The following CLVS1 variants were observed in gnomAD, a reference collection of about 807,000 sequenced individuals.
CLVS1 encodes clavesin-1.
Under a neutral mutation model 33.1 loss-of-function variants are expected in CLVS1, and 10 were observed. The observed-to-expected ratio is 0.30, with a 90% CI of 0.19 to 0.51. The LOEUF (loss-of-function observed/expected upper bound fraction) is 0.51. Among genes scored for constraint, CLVS1 ranks in the 20% least tolerant of loss-of-function variants. The pLI is 0.97. For synonymous variants in CLVS1, 163 were observed against 166.1 expected (o/e 0.98, Z 0.14); for missense variants, 343 against 433.4 (o/e 0.79, Z 1.85).
chr8:61,288,604 C>A, intron 1 of CLVS1, among the ~76,000 whole-genome samples: 1 of 152,212 alleles, frequency 6.6e-6, no homozygotes, highest in East Asian at 1.9e-4. Context: ...GGCACGGGGA[C>A]AGATGGGGCA....
chr8:61,462,513 C>T (rs558108596), intron 5 of CLVS1, among the ~76,000 whole-genome samples: 161 of 152,142 alleles, frequency 1.1e-3, no homozygotes, highest in Middle Eastern at 6.8e-3. Flanking sequence ...GCCTCCTGAG[C>T]TGAAATGTAT....
chr8:61,240,613 T>A (rs1432837187), intron 2 of CLVS1, among the ~76,000 whole-genome samples: 3 of 152,276 alleles, frequency 2.0e-5, no homozygotes, highest in African/African-American at 4.8e-5. Context: ...GTGCCTACAT[T>A]CACCTTAATT....
the CLVS1 span, among the ~76,000 whole-genome samples, chr8:61,024,843 CTTTTTTTTCTTTCTTT>C: frequency 1.7e-4 from 25 of 151,328 alleles, no homozygotes; most frequent in Non-Finnish European, 3.1e-4. Context: ...TTTTTCTTTT[CTTTTTTTTCTTTCTTT>C]TTTTTTTTTA....
intron 5 of CLVS1, among the ~76,000 whole-genome samples, chr8:61,474,247 A>G (rs2129607857): frequency 6.6e-6 from 1 of 152,272 alleles, no homozygotes; most frequent in African/African-American, 2.4e-5. Context: ...TGGAGTCATC[A>G]ACTCTATTTA....
At chr8:61,314,014 A>T (rs904356229) in intron 2 of CLVS1, among the ~76,000 whole-genome samples, 1 of 152,176 alleles carries the variant, frequency 6.6e-6, no homozygotes, top group African/African-American at 2.4e-5. Context: ...GTGCAAGCAG[A>T]TGACTCATCG....
chr8:61,345,577 A>G (rs1585833279), intron 2 of CLVS1, among the ~76,000 whole-genome samples: 1 of 151,714 alleles, frequency 6.6e-6, no homozygotes, highest in Middle Eastern at 3.4e-3. Context: ...TCCCTCGAAT[A>G]TGGTGCCTGC....
chr8:61,414,481 G>A (rs1386544075), intron 3 of CLVS1, among the ~76,000 whole-genome samples: 2 of 151,794 alleles, frequency 1.3e-5, no homozygotes, highest in South Asian at 2.1e-4. Context: ...GCACAAAGTG[G>A]GGACAGAATG....
intron 3 of CLVS1, among the ~76,000 whole-genome samples, chr8:61,394,914 G>A (rs1367287603): frequency 6.6e-6 from 1 of 152,078 alleles, no homozygotes; most frequent in Non-Finnish European, 1.5e-5. Context: ...GTTTTAATTT[G>A]CATTTTCCTA....
the CLVS1 span, among the ~76,000 whole-genome samples, chr8:61,047,342 A>G: frequency 2.6e-5 from 4 of 152,182 alleles, no homozygotes; most frequent in Admixed American, 2.0e-4. Context: ...AATAGGAACA[A>G]TTTTACACTG....
At chr8:60,996,041 T>C in the CLVS1 span, among the ~76,000 whole-genome samples, 22 of 152,256 alleles carry the variant, frequency 1.4e-4, no homozygotes, top group African/African-American at 9.6e-5. Flanking sequence ...AGGGATAGCA[T>C]TGGGAGATAT....
chr8:61,059,476 A>ATACATATC (rs1491456375), intron 1 of CLVS1, among the ~76,000 whole-genome samples: 374 of 23,818 alleles, frequency 0.016, 6 homozygotes, highest in African/African-American at 0.081. Flanking sequence ...ACATACATAC[A>ATACATATC]TATATATATA....
intron 2 of CLVS1, among the ~76,000 whole-genome samples, chr8:61,239,253 T>C (rs1808639050): frequency 6.6e-6 from 1 of 152,226 alleles, no homozygotes; most frequent in Admixed American, 6.5e-5. Flanking sequence ...GGGTTGTACA[T>C]TGTAGAATCT....
Position 61,086,014 on chromosome 8 carries a change from C to T in CLVS1, c.-243+28784C>T, listed in dbSNP as rs543853444. Among the ~76,000 whole-genome samples, 87 of 115,562 alleles carry T rather than the reference C, an allele frequency of 7.5e-4. 1 individual carries two copies. The highest frequency in any genetic ancestry group is 1.2e-3 in the Non-Finnish European group (70 of 60,168). The allele number at this position is 115,562 out of a possible 152,430, so 75.8% of individuals were successfully genotyped here. On this transcript the variant is annotated intron_variant, in intron 1 of 2. Transcript: ENST00000522621. ...TCACGCCACTGCACTCCAGCCTGGG[C>T]GACAGAGCGAGACTCCCTCTCAAAA... is the stretch of plus-strand genomic sequence containing the variant.
At chr8:61,200,668 C>A (rs1807708858) in intron 2 of CLVS1, among the ~76,000 whole-genome samples, 2 of 152,148 alleles carry the variant, frequency 1.3e-5, no homozygotes, top group South Asian at 4.1e-4. Flanking sequence ...TGCCTTATTG[C>A]CCTTCAGAAA....
intron 3 of CLVS1, among the ~76,000 whole-genome samples, chr8:61,404,678 AGAGGGAAATGG>A (rs1814912208): frequency 6.6e-6 from 1 of 152,228 alleles, no homozygotes. Flanking sequence ...TAAATTAAAG[AGAGGGAAATGG>A]CTGGTGGATT....
intron 3 of CLVS1, among the ~76,000 whole-genome samples, chr8:61,400,621 G>T (rs112012375): frequency 1.3e-5 from 2 of 152,102 alleles, no homozygotes; most frequent in Non-Finnish European, 2.9e-5. Context: ...AACTTTCAAG[G>T]GGTATGCTTC....
intron 2 of CLVS1, among the ~76,000 whole-genome samples, chr8:61,271,521 T>C (rs1809437585): frequency 6.7e-6 from 1 of 148,664 alleles, no homozygotes; most frequent in African/African-American, 2.5e-5. Context: ...TCTGTAGATG[T>C]CTATTAGGTC....
chr8:61,016,942 G>C, the CLVS1 span, among the ~76,000 whole-genome samples: 2 of 152,192 alleles, frequency 1.3e-5, no homozygotes, highest in Admixed American at 1.3e-4. Context: ...CAGGGATCCC[G>C]ATCTGCTGCC....
chr8:61,013,054 C>T, the CLVS1 span, among the ~76,000 whole-genome samples: 9 of 152,148 alleles, frequency 5.9e-5, no homozygotes, highest in Non-Finnish European at 1.5e-5. Context: ...GCACTGAGGC[C>T]CTCCTGCTAC....
Sources: gnomAD v4.1 joint callset for allele counts (sites outside exome capture counted in the v4.1 genomes callset) on GRCh38, gnomAD v4.1.1 for gene constraint, MANE v1.5 for transcripts, NCBI Gene and HGNC (gene_info 2026-07-23, HGNC 2026-07-21) for gene names.